Variants in TMCO4 observed in about 807,000 individuals in gnomAD.
The protein encoded by TMCO4 is transmembrane and coiled-coil domain-containing protein 4.
In TMCO4, 58 loss-of-function variants were observed where a neutral mutation model predicts 64.7. That is an observed-to-expected ratio of 0.90 (90% CI 0.73 to 1.12). The LOEUF (loss-of-function observed/expected upper bound fraction) is 1.12. Ranked by LOEUF, TMCO4 falls within the 50% of genes most tolerant of loss-of-function variation. TMCO4 has a pLI of 0.00. For synonymous variants in TMCO4, 325 were observed against 346.1 expected (o/e 0.94, Z 0.68); for missense variants, 780 against 825.9 (o/e 0.94, Z 0.68).
intron 13 of TMCO4, among the ~76,000 whole-genome samples, chr1:19,724,665 G>A (rs968776856): frequency 6.6e-6 from 1 of 152,188 alleles, no homozygotes; most frequent in Non-Finnish European, 1.5e-5. Context: ...GCCCAGACAG[G>A]TGAAGTGACT....
chr1:19,742,074 C>T lies in TMCO4; in HGVS notation c.878-1133G>A, dbSNP rs1570848576. Among the ~76,000 whole-genome samples, 6 of 152,100 alleles carry T rather than the reference C, an allele frequency of 3.9e-5. No homozygotes were observed. In the South Asian group the frequency reaches 1.2e-3, roughly 32 times the overall value. On this transcript the variant is annotated intron_variant, in intron 10 of 15. Transcript: ENST00000294543. ...TTCAAAACACAAATCTTCTCCCATTCCTGCCTAAAACCCTTCATGAGCTCC... is the reference window on the plus strand; with the variant it reads ...TTCAAAACACAAATCTTCTCCCATTTCTGCCTAAAACCCTTCATGAGCTCC...
At chr1:19,799,629 A>G (rs2044503160) in intron 1 of TMCO4, among the ~76,000 whole-genome samples, 1 of 152,208 alleles carries the variant, frequency 6.6e-6, no homozygotes, top group Admixed American at 6.5e-5. Context: ...TCCGGCTCTG[A>G]AAACAAACCA....
At chr1:19,790,813 T>C (rs1441459725) in intron 2 of TMCO4, among the ~76,000 whole-genome samples, 3 of 152,188 alleles carry the variant, frequency 2.0e-5, no homozygotes, top group African/African-American at 7.2e-5. Flanking sequence ...ACTGGGTACA[T>C]ACCCAAAGGA....
chr1:19,766,002 C>T, intron 6 of TMCO4, among the ~76,000 whole-genome samples: 1 of 152,138 alleles, frequency 6.6e-6, no homozygotes, highest in East Asian at 1.9e-4. Flanking sequence ...AGAAGGGTCG[C>T]CCACCCATCC....
intron 15 of TMCO4, among the ~76,000 whole-genome samples, chr1:19,690,590 G>A (rs2095185287): frequency 6.6e-6 from 1 of 152,216 alleles, no homozygotes; most frequent in Non-Finnish European, 1.5e-5. Context: ...GGTGGACCGA[G>A]TAGATGGGGT....
chr1:19,688,287 C>T (rs2095165756), intron 15 of TMCO4, among the ~76,000 whole-genome samples: 1 of 152,180 alleles, frequency 6.6e-6, no homozygotes, highest in Non-Finnish European at 1.5e-5. Flanking sequence ...CTCTGTGCCC[C>T]ACAGCCAGCC....
At chr1:19,720,941 A>G (rs2095379586) in intron 13 of TMCO4, among the ~76,000 whole-genome samples, 1 of 152,020 alleles carries the variant, frequency 6.6e-6, no homozygotes, top group African/African-American at 2.4e-5. Context: ...GGAATCTTAG[A>G]TACGAGGAAA....
At chr1:19,767,374 G>A (rs531115908) in intron 6 of TMCO4, among the ~76,000 whole-genome samples, 2 of 152,302 alleles carry the variant, frequency 1.3e-5, no homozygotes, top group South Asian at 2.1e-4. Context: ...TTTTAAGGGC[G>A]ATGCTGGTTT....
chr1:19,793,359 A>G (rs966453192), intron 2 of TMCO4, among the ~76,000 whole-genome samples: 2 of 152,192 alleles, frequency 1.3e-5, no homozygotes, highest in Non-Finnish European at 2.9e-5. Context: ...TTCACAACAC[A>G]TAAAGCTATA....
At chr1:19,690,034 C>T (rs2095179728) in intron 15 of TMCO4, among the ~76,000 whole-genome samples, 1 of 152,248 alleles carries the variant, frequency 6.6e-6, no homozygotes, top group African/African-American at 2.4e-5. Context: ...CCCACACTTC[C>T]CCTATTCTGA....
chr1:19,694,270 G>A lies in TMCO4; in HGVS notation c.1500+164C>T, dbSNP rs1009178659. The stretch of plus-strand genomic sequence containing the variant: ...GCCCTCCTGGGCCTCCCGAAGTGCC[G>A]GGATTACAGGCATGAGCCACTGCAC... On this transcript the variant is annotated intron_variant, in intron 15 of 15. Transcript: ENST00000294543. 7.2e-5 allele frequency among the ~76,000 whole-genome samples: 11 copies of A among 152,268 alleles called. No individual in the cohort carries two copies. The South Asian group carries it at 1.2e-3, about 17-fold the overall frequency.
Position 19,743,991 on chromosome 1 carries a change from C to T in TMCO4, c.877+1541G>A, listed in dbSNP as rs1033106056. Among the ~76,000 whole-genome samples the T allele has an allele frequency of 6.6e-6, 1 of 152,144 alleles. No individual in the cohort carries two copies. Among genetic ancestry groups the T allele is most frequent in the African/African-American group, 2.4e-5 (1 of 41,430 alleles). ...TAGTGACCTCTGTGCATGGGTGGTG[C>T]CCGGCGGTCACACACCAATAAGACC... is the stretch of plus-strand genomic sequence containing the variant. On this transcript the variant is annotated intron_variant, in intron 10 of 15. Coordinates refer to ENST00000294543, the MANE Select transcript of TMCO4 (RefSeq NM_181719.7). The surrounding 1 kb of genome is among the most constrained non-coding windows in gnomAD (Gnocchi z 4.1).
chr1:19,781,340 G>T (rs954864658), intron 3 of TMCO4, among the ~76,000 whole-genome samples: 1 of 151,736 alleles, frequency 6.6e-6, no homozygotes, highest in Admixed American at 6.6e-5. Context: ...GGTGGCACAC[G>T]CCTGTAGTTC....
chr1:19,684,644 G>A (rs531547298), intron 15 of TMCO4, among the ~76,000 whole-genome samples: 4 of 152,288 alleles, frequency 2.6e-5, no homozygotes, highest in Admixed American at 2.6e-4. Context: ...GCAAGGTGCT[G>A]GCTACAACTC....
At chr1:19,701,047 C>T (rs376585852) in intron 13 of TMCO4, 162 bp from the exon 14 acceptor site, 34 of 603,666 alleles carry the variant, frequency 5.6e-5, no homozygotes, top group African/African-American at 1.7e-4. Context: ...CATGCAAACA[C>T]GCAAACATGC....
intron 7 of TMCO4, among the ~76,000 whole-genome samples, chr1:19,754,374 A>T (rs1570908312): frequency 6.6e-6 from 1 of 152,310 alleles, no homozygotes; most frequent in African/African-American, 2.4e-5. Flanking sequence ...TTCTATACTG[A>T]CACAACTCTG....
intron 3 of TMCO4, among the ~76,000 whole-genome samples, chr1:19,781,641 C>CTT (rs1202912744): frequency 5.0e-4 from 67 of 134,398 alleles, no homozygotes; most frequent in Admixed American, 3.8e-3. Flanking sequence ...ACAGAACTTT[C>CTT]TTTTTTTTTT....
intron 3 of TMCO4, 141 bp downstream of exon 3, chr1:19,786,885 G>T (rs1410505208): frequency 6.6e-6 from 1 of 152,192 alleles, no homozygotes; most frequent in Non-Finnish European, 1.5e-5. Flanking sequence ...TACTACAGTG[G>T]TGACTAAGAC....
chr1:19,762,858 C>T (rs930629090), intron 6 of TMCO4, among the ~76,000 whole-genome samples: 1 of 152,140 alleles, frequency 6.6e-6, no homozygotes, highest in African/African-American at 2.4e-5. Context: ...AGAGCCCACA[C>T]CTTTGGGAAG....
Sources: gnomAD v4.1 joint callset for allele counts (sites outside exome capture counted in the v4.1 genomes callset) on GRCh38, gnomAD v4.1.1 for gene constraint, Gnocchi (gnomAD v3.1) non-coding constraint, MANE v1.5 for transcripts, NCBI Gene and HGNC (gene_info 2026-07-23, HGNC 2026-07-21) for gene names.